The following FAM117A variants were observed in gnomAD, a reference collection of about 807,000 sequenced individuals.
The protein encoded by FAM117A is family with sequence similarity 117 member A, also known as protein FAM117A.
FAM117A carries 21 observed loss-of-function variants against 44.1 expected under a neutral mutation model. The observed-to-expected ratio is 0.48, with a 90% CI of 0.34 to 0.69. The LOEUF (loss-of-function observed/expected upper bound fraction) is 0.69, where lower values mean the gene tolerates loss of function less well. FAM117A is among the 30% of genes least tolerant of loss of function. The pLI is 0.01. For synonymous variants in FAM117A, 220 were observed against 238.3 expected, an observed-to-expected ratio of 0.92 and a Z score of 0.71; for missense variants, 498 against 589.9, an observed-to-expected ratio of 0.84 and a Z score of 1.61.
intron 2 of FAM117A, among the ~76,000 whole-genome samples, chr17:49,723,351 G>C (rs1221885126): frequency 1.3e-5 from 2 of 152,122 alleles, no homozygotes; most frequent in Non-Finnish European, 2.9e-5. Context: ...TCTCTCCCTT[G>C]CTGCACCGAA....
intron 1 of FAM117A, among the ~76,000 whole-genome samples, chr17:49,784,249 T>C (rs999358339): frequency 6.6e-6 from 1 of 152,172 alleles, no homozygotes; most frequent in Non-Finnish European, 1.5e-5. Context: ...CACAAGCACA[T>C]ACACACAAAA....
At position 49,711,023 on chromosome 17, in the gene FAM117A, C is replaced by T; in HGVS notation, c.*232G>A. On this transcript the variant is annotated 3_prime_UTR_variant, in exon 8 of 8. Coordinates refer to ENST00000240364, the MANE Select transcript of FAM117A (RefSeq NM_030802.4). ...CCAAGTGAGGGATGTGGCAGGTACA[C>T]AGGTGTGAATTGTGAGCTGCCCAGC... 2.1e-6 allele frequency: 1 copy of T among 465,476 alleles called. No homozygotes were observed. Among genetic ancestry groups the T allele is most frequent in the Non-Finnish European group, 3.8e-6 (1 of 263,876 alleles). The allele number at this position is 465,476 out of a possible 1,614,324, so 28.8% of individuals were successfully genotyped here.
Position 49,763,967 on chromosome 17 carries a change from G to C in FAM117A, c.121C>G (p.Leu41Val). 1 of 1,230,462 alleles carries C rather than the reference G, an allele frequency of 8.1e-7. No homozygotes were observed. The highest frequency in any genetic ancestry group is 1.0e-6 in the Non-Finnish European group (1 of 987,276). 76.2% of individuals were successfully genotyped at this position (1,230,462 alleles called of 1,614,324 possible). Residue 41 changes from leucine to valine, a missense_variant, in exon 1 of 8, where the codon CTG (leucine) becomes GTG (valine). Transcript: ENST00000240364. ...GGGATCGTGGCCCTGAGCGGCTGCA[G>C]CCCAGCCCGGGGGGAGCCGGCGGGG... is the stretch of plus-strand genomic sequence containing the variant. Reference protein sequence around the residue: ...PAPAGSPRAGLQPLRATIPFQ... With the variant: ...PAPAGSPRAGVQPLRATIPFQ...
At chr17:49,776,146 G>A (rs546469345) in intron 1 of FAM117A, among the ~76,000 whole-genome samples, 78 of 152,138 alleles carry the variant, frequency 5.1e-4, no homozygotes, top group Non-Finnish European at 1.0e-3. Flanking sequence ...GAAGAATGGC[G>A]CTTCTACTTG....
At chr17:49,783,387 A>G (rs1444328772) in intron 1 of FAM117A, among the ~76,000 whole-genome samples, 1 of 152,148 alleles carries the variant, frequency 6.6e-6, no homozygotes, top group Non-Finnish European at 1.5e-5. Flanking sequence ...AAGAACTGCT[A>G]TTGAATCAAG....
chr17:49,762,567 C>A (rs764486965), intron 1 of FAM117A, among the ~76,000 whole-genome samples: 1 of 152,128 alleles, frequency 6.6e-6, no homozygotes, highest in Non-Finnish European at 1.5e-5. Flanking sequence ...AAGGAGTAGC[C>A]CTGTAGTAGC....
upstream of FAM117A, chr17:49,764,184 GC>G (rs2143789350): frequency 6.8e-6 from 4 of 591,284 alleles, no homozygotes; most frequent in Admixed American, 6.5e-5. Context: ...GCGGGGACCG[GC>G]CCCCTCATCC....
intron 1 of FAM117A, among the ~76,000 whole-genome samples, chr17:49,783,004 G>A (rs191545804): frequency 1.3e-5 from 2 of 152,286 alleles, no homozygotes; most frequent in East Asian, 1.9e-4. Context: ...CATGGTGACC[G>A]GGTACTTTCC....
At chr17:49,746,966 C>T (rs2073656716) in intron 1 of FAM117A, among the ~76,000 whole-genome samples, 1 of 152,064 alleles carries the variant, frequency 6.6e-6, no homozygotes, top group Non-Finnish European at 1.5e-5. Context: ...TTACACGTCC[C>T]CAGCTGTCTC....
intron 7 of FAM117A, among the ~76,000 whole-genome samples, chr17:49,712,489 A>G (rs2073483347): frequency 1.3e-5 from 2 of 152,192 alleles, no homozygotes; most frequent in South Asian, 2.1e-4. Flanking sequence ...GGCACATTTG[A>G]AAGGTATGGG....
intron 2 of FAM117A, among the ~76,000 whole-genome samples, chr17:49,723,987 T>C (rs1465280231): frequency 6.6e-6 from 1 of 152,084 alleles, no homozygotes; most frequent in African/African-American, 2.4e-5. Flanking sequence ...TTCCCTTCTT[T>C]AGGAAAAGGG....
exon 1 of FAM117A, chr17:49,788,555 A>C (rs1240875988): frequency 7.5e-6 from 3 of 399,796 alleles, no homozygotes; most frequent in African/African-American, 2.1e-5. Flanking sequence ...GCCCAACTTC[A>C]AAATGGCGCC....
At chr17:49,775,279 C>T (rs1397945668) in intron 1 of FAM117A, among the ~76,000 whole-genome samples, 5 of 152,206 alleles carry the variant, frequency 3.3e-5, no homozygotes, top group African/African-American at 7.2e-5. Flanking sequence ...TGAGCCACTG[C>T]GCCCGGCACT....
At position 49,731,520 on chromosome 17, in the gene FAM117A, G is replaced by A. The variant is rs946681090; in HGVS notation, c.366+1031C>T. Among the ~76,000 whole-genome samples, 9 of 152,316 alleles carry A rather than the reference G, an allele frequency of 5.9e-5. No homozygotes were observed. The South Asian group carries it at 1.4e-3, about 25-fold the overall frequency. On this transcript the variant is annotated intron_variant, in intron 2 of 7. Transcript: ENST00000240364. ...TGGATGATCTGCAGAGATTCTTTCC[G>A]AGCTTGGGATTCTTAATGAAAAGAC...
chr17:49,724,944 C>T (rs748010823), intron 2 of FAM117A, among the ~76,000 whole-genome samples: 2 of 152,272 alleles, frequency 1.3e-5, no homozygotes, highest in South Asian at 4.1e-4. Flanking sequence ...CACCTCTCTC[C>T]GCTCAGCAAC....
intron 1 of FAM117A, among the ~76,000 whole-genome samples, chr17:49,787,780 C>T (rs2073824077): frequency 6.6e-6 from 1 of 152,120 alleles, no homozygotes; most frequent in South Asian, 2.1e-4. Flanking sequence ...CCTTCCTAGG[C>T]CCTCTCATTA....
At position 49,727,583 on chromosome 17, in the gene FAM117A, A is replaced by G. The variant is rs140124835; in HGVS notation, c.366+4968T>C. On this transcript the variant is annotated intron_variant, in intron 2 of 7. Coordinates refer to ENST00000240364, the MANE Select transcript of FAM117A (RefSeq NM_030802.4). ...GTTATGCAAAACTGGACGTGGCCAG[A>G]CCAAGGAAGCCTTGCCTGGGATTGA... Among the ~76,000 whole-genome samples the G allele has an allele frequency of 2.0e-3, 302 of 152,292 alleles. 1 individual carries two copies. The highest frequency in any genetic ancestry group is 6.8e-3 in the African/African-American group (281 of 41,572).
At chr17:49,751,860 C>T (rs2073678938) in intron 1 of FAM117A, among the ~76,000 whole-genome samples, 1 of 144,428 alleles carries the variant, frequency 6.9e-6, no homozygotes, top group Non-Finnish European at 1.5e-5. Flanking sequence ...AGGAGAATTG[C>T]TTGAACCCGG....
At chr17:49,727,234 C>T (rs1184488039) in intron 2 of FAM117A, among the ~76,000 whole-genome samples, 3 of 151,872 alleles carry the variant, frequency 2.0e-5, no homozygotes, top group Non-Finnish European at 4.4e-5. Context: ...GGTGAAACTC[C>T]GTCTCTACTA....
Sources: allele counts gnomAD v4.1 joint callset (sites outside exome capture counted in the v4.1 genomes callset), GRCh38; gene constraint gnomAD v4.1.1; transcripts MANE v1.5; gene names NCBI Gene and HGNC (gene_info 2026-07-23, HGNC 2026-07-21).